Variants in RERE observed in about 807,000 individuals in gnomAD.
RERE encodes the protein arginine-glutamic acid dipeptide repeats protein.
In RERE, 40 loss-of-function variants were observed where a neutral mutation model predicts 146.1. That is an observed-to-expected ratio of 0.27 (90% CI 0.21 to 0.36). The LOEUF is 0.36. RERE is among the 10% of genes least tolerant of loss of function. The pLI is 1.00. For synonymous variants in RERE, 1,003 were observed against 866.0 expected (o/e 1.16, Z -2.78); for missense variants, 1,933 against 2,138.7 (o/e 0.90, Z 1.90).
intron 1 of RERE, among the ~76,000 whole-genome samples, chr1:8,758,048 G>A (rs1258674679): frequency 6.6e-6 from 1 of 151,912 alleles, no homozygotes; most frequent in Non-Finnish European, 1.5e-5. Flanking sequence ...GACAGATACT[G>A]TATGATCCCA....
rs111385224 is a variant in RERE, at chr1:8,477,288, A to G, written c.1105-11265T>C. Reference sequence around the variant, plus strand: ...ACGCAGTCAATAATCTACTAAGAAGACTCAGCTTGAGGACCCACAATGAGT... The same window carrying G: ...ACGCAGTCAATAATCTACTAAGAAGGCTCAGCTTGAGGACCCACAATGAGT... On this transcript the variant is annotated intron_variant, in intron 10 of 22. Coordinates refer to ENST00000400908, the MANE Select transcript of RERE (RefSeq NM_001042681.2). Among the ~76,000 whole-genome samples, 1,148 of 152,292 alleles carry G rather than the reference A, an allele frequency of 7.5e-3. 14 individuals are homozygous for G. The highest frequency in any genetic ancestry group is 0.026 in the African/African-American group (1,087 of 41,548).
chr1:8,475,840 C>T lies in RERE; in HGVS notation c.1105-9817G>A, dbSNP rs150754441. On this transcript the variant is annotated intron_variant, in intron 10 of 22. Coordinates refer to ENST00000400908, the MANE Select transcript of RERE (RefSeq NM_001042681.2). ...AAAACTAGAATTGAAACTAAGAGCA[C>T]AATATTTATTTTTATTTGGCCATTA... Among the ~76,000 whole-genome samples, 263 of 152,082 alleles carry T rather than the reference C, an allele frequency of 1.7e-3. 1 individual carries two copies. The highest frequency in any genetic ancestry group is 6.2e-3 in the African/African-American group (258 of 41,464).
chr1:8,696,666 T>C (rs561490212), intron 1 of RERE, among the ~76,000 whole-genome samples: 1 of 151,784 alleles, frequency 6.6e-6, no homozygotes, highest in East Asian at 1.9e-4. Context: ...TCCCAGCACT[T>C]TGGGAGGCTG....
intron 1 of RERE, among the ~76,000 whole-genome samples, chr1:8,658,584 C>T (rs1322807071): frequency 1.3e-5 from 2 of 151,920 alleles, no homozygotes; most frequent in Admixed American, 6.6e-5. Flanking sequence ...GGTGAAACCC[C>T]ATCTCTACTA....
chr1:8,731,780 T>TTTTG lies in RERE; in HGVS notation c.-144-75343_-144-75340dup, dbSNP rs751384177. On this transcript the variant is annotated intron_variant, in intron 1 of 22. Coordinates refer to ENST00000400908, the MANE Select transcript of RERE (RefSeq NM_001042681.2). ...TCTGAAAAAGCTAAACATAATGTTT[T>TTTTG]TTTGTTTGTTTGTTTGTTTGTTTGT... 2.5e-4 allele frequency among the ~76,000 whole-genome samples: 36 copies of TTTTG among 142,844 alleles called. No individual in the cohort carries two copies. In the South Asian group the frequency reaches 5.7e-3, roughly 23 times the overall value. 93.7% of individuals were successfully genotyped at this position (142,844 alleles called of 152,430 possible). A position where few individuals can be genotyped will look rare whatever the true frequency, so the allele number is the denominator to read the frequency against.
rs1641238005 is a variant in RERE, at chr1:8,355,096, C to T, written c.4692G>A (p.Lys1564=). The part of the protein sequence containing the change: ...YYSRLKKEGD[K]QL ...TTAACAAATAAATAACTTATAACTG[C>T]TTGTCACCTTCTTTCTTCAGTCGAC... The change falls in exon 23 of 23, where the codon AAG becomes AAA. Residue 1564 remains lysine (K), a synonymous_variant. Coordinates refer to ENST00000400908, the MANE Select transcript of RERE (RefSeq NM_001042681.2). 1 of 1,613,792 alleles carries T rather than the reference C, an allele frequency of 6.2e-7. No individual in the cohort carries two copies. The highest frequency in any genetic ancestry group is 1.3e-5 in the African/African-American group (1 of 74,934).
chr1:8,611,119 C>T (rs1477356652), intron 4 of RERE, among the ~76,000 whole-genome samples: 13 of 152,014 alleles, frequency 8.6e-5, no homozygotes, highest in South Asian at 2.1e-4. Flanking sequence ...TGCTTGAACC[C>T]GGGAGGCGGA....
intron 4 of RERE, among the ~76,000 whole-genome samples, chr1:8,579,177 T>C (rs971612166): frequency 2.6e-5 from 4 of 152,182 alleles, no homozygotes; most frequent in East Asian, 1.9e-4. Flanking sequence ...CATGGCTACG[T>C]AGAAATGCAC....
At chr1:8,608,864 T>G (rs1442144281) in intron 4 of RERE, among the ~76,000 whole-genome samples, 1 of 152,082 alleles carries the variant, frequency 6.6e-6, no homozygotes, top group East Asian at 1.9e-4. Context: ...GGCGGGAAGA[T>G]CACTTGAGGT....
At chr1:8,700,365 A>G (rs1271142916) in intron 1 of RERE, among the ~76,000 whole-genome samples, 2 of 152,144 alleles carry the variant, frequency 1.3e-5, no homozygotes, top group South Asian at 2.1e-4. Context: ...AGTAGTATCT[A>G]CTCAACAGGA....
intron 1 of RERE, among the ~76,000 whole-genome samples, chr1:8,677,007 C>T (rs779708623): frequency 6.6e-6 from 1 of 152,078 alleles, no homozygotes; most frequent in Non-Finnish European, 1.5e-5. Flanking sequence ...CTTGACTCTC[C>T]AATACAAGCC....
chr1:8,433,468 G>A (rs1223212657), intron 11 of RERE, among the ~76,000 whole-genome samples: 1 of 151,562 alleles, frequency 6.6e-6, no homozygotes, highest in African/African-American at 2.4e-5. Flanking sequence ...AAAAAGACCT[G>A]TTTCCCAGGC....
chr1:8,597,551 A>G lies in RERE; in HGVS notation c.522+17010T>C, dbSNP rs76757652. Among the ~76,000 whole-genome samples the G allele has an allele frequency of 4.3e-3, 650 of 152,338 alleles. 2 individuals carry two copies. The highest frequency in any genetic ancestry group is 0.024 in the East Asian group (125 of 5,182). ...GAATGAAAATCAACATTAAAATTCC[A>G]TAATTAAAACACGCAGATAGAAAAG... On this transcript the variant is annotated intron_variant, in intron 4 of 22. Coordinates refer to ENST00000400908, the MANE Select transcript of RERE (RefSeq NM_001042681.2).
intron 12 of RERE, among the ~76,000 whole-genome samples, chr1:8,377,330 C>T (rs1036178709): frequency 1.3e-5 from 2 of 152,084 alleles, no homozygotes; most frequent in African/African-American, 4.8e-5. Context: ...TTTTACTGAA[C>T]TGTTTGTTTA....
chr1:8,602,310 G>C (rs1646642550), intron 4 of RERE, among the ~76,000 whole-genome samples: 1 of 151,614 alleles, frequency 6.6e-6, no homozygotes, highest in African/African-American at 2.4e-5. Context: ...AGAATCACTT[G>C]AACCTGGGAG....
intron 12 of RERE, among the ~76,000 whole-genome samples, chr1:8,409,969 CA>C (rs1216356427): frequency 3.8e-4 from 44 of 114,384 alleles, no homozygotes; most frequent in South Asian, 2.1e-3. Flanking sequence ...TTCAATCAGG[CA>C]ATTTTTTTTT....
At chr1:8,553,119 A>C (rs557050242) in intron 6 of RERE, among the ~76,000 whole-genome samples, 1 of 150,188 alleles carries the variant, frequency 6.7e-6, no homozygotes, top group Non-Finnish European at 1.5e-5. Context: ...CAGTACATCC[A>C]CAAACAATCG....
chr1:8,662,928 T>C (rs1638488476), intron 1 of RERE, among the ~76,000 whole-genome samples: 2 of 152,196 alleles, frequency 1.3e-5, no homozygotes, highest in African/African-American at 4.8e-5. Context: ...ATTACACAAG[T>C]ATACTATATG....
chr1:8,366,928 A>AAAAAAAAAAAAAAC (rs1641826977), intron 12 of RERE, among the ~76,000 whole-genome samples: 1 of 108,542 alleles, frequency 9.2e-6, no homozygotes, highest in African/African-American at 3.6e-5. Flanking sequence ...AAAAAAAAAA[A>AAAAAAAAAAAAAAC]CAAAAAAAAA....
Sources: gnomAD v4.1 joint callset for allele counts (sites outside exome capture counted in the v4.1 genomes callset) on GRCh38, gnomAD v4.1.1 for gene constraint, MANE v1.5 for transcripts, NCBI Gene and HGNC (gene_info 2026-07-23, HGNC 2026-07-21) for gene names.